The following ADAMTS12 variants were observed in gnomAD, a reference collection of about 807,000 sequenced individuals.
ADAMTS12 encodes ADAM metallopeptidase with thrombospondin type 1 motif 12.
Under a neutral mutation model 167.8 loss-of-function variants are expected in ADAMTS12, and 118 were observed. That is an observed-to-expected ratio of 0.70 (90% CI 0.61 to 0.82). The LOEUF is 0.82. Ranked by LOEUF, ADAMTS12 falls within the 40% of genes least tolerant of loss-of-function variation. ADAMTS12 has a pLI of 0.00. For missense variants in ADAMTS12, 1,916 were observed against 1,998.8 expected (o/e 0.96, Z 0.79); for synonymous variants, 704 against 716.9 (o/e 0.98, Z 0.29).
chr5:33,741,134 C>T (rs755525324), intron 3 of ADAMTS12, among the ~76,000 whole-genome samples: 22 of 152,256 alleles, frequency 1.4e-4, no homozygotes, highest in Non-Finnish European at 3.2e-4. Flanking sequence ...ACTAAGTGCT[C>T]CTGGGTTGGC....
intron 2 of ADAMTS12, among the ~76,000 whole-genome samples, chr5:33,846,827 T>C (rs1327226973): frequency 6.6e-6 from 1 of 152,196 alleles, no homozygotes; most frequent in Non-Finnish European, 1.5e-5. Context: ...TATGAAGCAA[T>C]GAGTCCTAAA....
intron 16 of ADAMTS12, among the ~76,000 whole-genome samples, chr5:33,610,816 C>T (rs1359440057): frequency 1.3e-5 from 2 of 152,100 alleles, no homozygotes; most frequent in Non-Finnish European, 2.9e-5. Context: ...CCTGTAATTC[C>T]AGCACTTTGG....
chr5:33,871,770 A>G (rs1433690765), intron 2 of ADAMTS12, among the ~76,000 whole-genome samples: 11 of 152,168 alleles, frequency 7.2e-5, no homozygotes, highest in African/African-American at 2.7e-4. Flanking sequence ...CAAATTACCA[A>G]TATCAGAAAT....
At chr5:33,633,455 T>C (rs941542025) in intron 12 of ADAMTS12, among the ~76,000 whole-genome samples, 9 of 151,470 alleles carry the variant, frequency 5.9e-5, no homozygotes, top group Non-Finnish European at 1.2e-4. Context: ...ACATTTATAA[T>C]AACAACAATG....
chr5:33,890,128 G>A (rs1262509866), intron 1 of ADAMTS12, among the ~76,000 whole-genome samples: 1 of 152,074 alleles, frequency 6.6e-6, no homozygotes, highest in Non-Finnish European at 1.5e-5. Flanking sequence ...CCATGGCCCC[G>A]TGGTGTCTGC....
At chr5:33,624,008 A>C (rs967122204) in intron 14 of ADAMTS12, among the ~76,000 whole-genome samples, 1 of 152,192 alleles carries the variant, frequency 6.6e-6, no homozygotes, top group African/African-American at 2.4e-5. Context: ...TCAGATCTCT[A>C]TCTCACTGTG....
rs770089540 is a variant in ADAMTS12 at position 33,595,939 on chromosome 5, T to C, written c.2649A>G (p.Pro883=). The C allele has an allele frequency of 1.2e-5, 19 of 1,613,970 alleles. No individual in the cohort carries two copies. Among genetic ancestry groups the C allele is most frequent in the Non-Finnish European group, 7.6e-6 (9 of 1,179,948 alleles). The change falls in exon 17 of 24, where the codon CCA becomes CCG. Residue 883 remains proline (P), a synonymous_variant. Coordinates refer to ENST00000504830, the MANE Select transcript of ADAMTS12 (RefSeq NM_030955.4). ...RQKKCHEKAC[P]PRWWAGEWEA... ...CAGCTGTTAGCGATGGTTACCTGGG[T>C]GGACAAGCCTTTTCATGGCACTTCT...
chr5:33,771,508 T>G (rs1745735853), intron 2 of ADAMTS12, among the ~76,000 whole-genome samples: 1 of 152,136 alleles, frequency 6.6e-6, no homozygotes, highest in Non-Finnish European at 1.5e-5. Context: ...TTTATTTCCT[T>G]GAATATTCTA....
In ADAMTS12 at chr5:33,648,922, C is replaced by G. The variant is rs747253944; in HGVS notation, c.1379G>C (p.Gly460Ala). 6.2e-7 allele frequency: 1 copy of G among 1,614,068 alleles called. No homozygotes were observed. The highest frequency in any genetic ancestry group is 1.7e-5 in the Admixed American group (1 of 60,022). The change falls in exon 9 of 24, where the codon GGC becomes GCC. Residue 460 changes from glycine (G) to alanine (A), a missense_variant. By Grantham distance (60) the Gly-to-Ala change is moderately conservative. Coordinates refer to ENST00000504830, the MANE Select transcript of ADAMTS12 (RefSeq NM_030955.4). ...FCLDDIPKKK[G>A]LKSKVIAPGV... ...GGGGGCAATGACCTTGGACTTCAAGCCTTTCTTTTTAGGTATGTCATCAAG... is the reference window on the plus strand; with the variant it reads ...GGGGGCAATGACCTTGGACTTCAAGGCTTTCTTTTTAGGTATGTCATCAAG...
At chr5:33,676,707 C>CACACACAGAGAGAG (rs879440613) in intron 5 of ADAMTS12, among the ~76,000 whole-genome samples, 11 of 149,020 alleles carry the variant, frequency 7.4e-5, no homozygotes, top group African/African-American at 2.8e-4. Flanking sequence ...CACACACACA[C>CACACACAGAGAGAG]AGAGAGAGAG....
intron 3 of ADAMTS12, among the ~76,000 whole-genome samples, chr5:33,734,815 G>A (rs1280356088): frequency 6.6e-6 from 1 of 152,156 alleles, no homozygotes; most frequent in East Asian, 1.9e-4. Context: ...TCAGGGCTTG[G>A]GAAATGTTCC....
chr5:33,559,306 C>T (rs1031147939), intron 20 of ADAMTS12, among the ~76,000 whole-genome samples: 4 of 152,148 alleles, frequency 2.6e-5, no homozygotes, highest in Admixed American at 6.6e-5. Context: ...TCATGTATGG[C>T]AAACAGGTAT....
intron 21 of ADAMTS12, 59 bp downstream of exon 21, chr5:33,549,148 C>T (rs1439699740): frequency 3.8e-6 from 6 of 1,573,764 alleles, no homozygotes. Flanking sequence ...TGCAGTAACA[C>T]AGAGATTCAT....
chr5:33,535,120 G>T, intron 22 of ADAMTS12, 128 bp from the exon 23 acceptor site: 2 of 940,258 alleles, frequency 2.1e-6, no homozygotes, highest in Non-Finnish European at 3.0e-6. Flanking sequence ...CCTTTTTGGA[G>T]GAGTCATAGA....
chr5:33,661,944 G>A lies in ADAMTS12; in HGVS notation c.1012C>T (p.His338Tyr). The A allele has an allele frequency of 1.2e-6, 2 of 1,613,456 alleles. No homozygotes were observed. The highest frequency in any genetic ancestry group is 1.7e-6 in the Non-Finnish European group (2 of 1,179,600). ...GTGAGAAGGACAGCCACGTCGTGAT[G>A]AACAGGATTGAGGTCACTCTTGGGA... ...INPKSDLNPV[H>Y]HDVAVLLTRK... The change falls in exon 6 of 24, where the codon CAT (histidine) becomes TAT (tyrosine). Residue 338 changes from histidine (H) to tyrosine (Y), a missense_variant. Transcript: ENST00000504830.
intron 2 of ADAMTS12, among the ~76,000 whole-genome samples, chr5:33,820,015 T>C (rs1561289278): frequency 6.6e-6 from 1 of 152,198 alleles, no homozygotes; most frequent in African/African-American, 2.4e-5. Flanking sequence ...CTTCTAGGTA[T>C]TGTTGGGCAT....
chr5:33,593,394 A>G (rs181250327), intron 17 of ADAMTS12, among the ~76,000 whole-genome samples: 1 of 152,184 alleles, frequency 6.6e-6, no homozygotes, highest in East Asian at 1.9e-4. Context: ...TCAAATCCCG[A>G]CTCTACAATT....
chr5:33,560,964 T>C (rs1745720543), intron 20 of ADAMTS12, 63 bp downstream of exon 20: 2 of 1,570,790 alleles, frequency 1.3e-6, no homozygotes, highest in South Asian at 2.3e-5. Flanking sequence ...TTATATAAGA[T>C]TCCCTTTCCA....
chr5:33,589,704 C>A (rs1423219743), intron 17 of ADAMTS12, among the ~76,000 whole-genome samples: 1 of 152,144 alleles, frequency 6.6e-6, no homozygotes, highest in African/African-American at 2.4e-5. Flanking sequence ...GCTTGTCCAT[C>A]CCTTCATATA....
Sources: allele counts gnomAD v4.1 joint callset (sites outside exome capture counted in the v4.1 genomes callset), GRCh38; gene constraint gnomAD v4.1.1; transcripts MANE v1.5; gene names NCBI Gene and HGNC (gene_info 2026-07-23, HGNC 2026-07-21).